XRN1: variants seen among roughly 807,000 people sequenced by gnomAD.
The protein encoded by XRN1 is 5'-3' exoribonuclease 1.
Under a neutral mutation model 222.3 loss-of-function variants are expected in XRN1, and 67 were observed. The observed-to-expected ratio is 0.30, with a 90% CI of 0.25 to 0.37. XRN1 has a LOEUF of 0.37. XRN1 is among the 10% of genes least tolerant of loss of function. XRN1 has a pLI of 1.00. For missense variants in XRN1, 1,707 were observed against 2,000.2 expected (o/e 0.85, Z 2.80); for synonymous variants, 643 against 652.4 (o/e 0.99, Z 0.22).
chr3:142,320,666 T>A (rs1050489621), intron 37 of XRN1, among the ~76,000 whole-genome samples: 1 of 152,172 alleles, frequency 6.6e-6, no homozygotes, highest in Non-Finnish European at 1.5e-5. Context: ...GGGTTTCTTA[T>A]AGGATTTTTA....
chr3:142,425,853 C>A (rs1370492140), intron 3 of XRN1, among the ~76,000 whole-genome samples: 5 of 151,554 alleles, frequency 3.3e-5, no homozygotes. Flanking sequence ...TTTGAGATCT[C>A]TAATGAACCT....
In XRN1 at chr3:142,359,939, A is replaced by C. The variant is rs754317188; in HGVS notation, c.3395-8T>G. 2.5e-6 allele frequency: 4 copies of C among 1,579,034 alleles called. No individual in the cohort carries two copies. The highest frequency in any genetic ancestry group is 3.4e-6 in the Non-Finnish European group (4 of 1,161,996). ...CATCGGCTTCTCTATTAGCTGTTACAATAGGGAGAGAAAAAGAGACACTAA... is the reference window on the plus strand; with the variant it reads ...CATCGGCTTCTCTATTAGCTGTTACCATAGGGAGAGAAAAAGAGACACTAA... On this transcript the variant is annotated splice_region_variant and splice_polypyrimidine_tract_variant and intron_variant, in intron 29 of 40. Coordinates refer to ENST00000392981, the MANE Select transcript of XRN1 (RefSeq NM_001282857.2).
intron 27 of XRN1, among the ~76,000 whole-genome samples, chr3:142,367,295 A>C (rs1025103595): frequency 2.0e-5 from 3 of 152,130 alleles, no homozygotes; most frequent in African/African-American, 7.2e-5. Flanking sequence ...CTCAAAAAAA[A>C]AAAGAAAGAA....
chr3:142,375,778 G>A lies in XRN1; in HGVS notation c.2978+20C>T. On this transcript the variant is annotated intron_variant, in intron 25 of 40. Transcript: ENST00000392981. The stretch of plus-strand genomic sequence containing the variant: ...TCCTAAGATTTTGGAATGACTACTA[G>A]TATCTTATTATGTACTTACCTCTCT... 6.3e-7 allele frequency: 1 copy of A among 1,596,270 alleles called. No individual in the cohort carries two copies. The highest frequency in any genetic ancestry group is 8.5e-7 in the Non-Finnish European group (1 of 1,172,180).
chr3:142,414,475 C>A, intron 13 of XRN1, 184 bp from the exon 14 acceptor site: 1 of 400,958 alleles, frequency 2.5e-6, no homozygotes, highest in Non-Finnish European at 4.2e-6. Flanking sequence ...CATCCGATGG[C>A]AACAAATGTT....
At chr3:142,434,763 A>T (rs1048724491) in intron 1 of XRN1, among the ~76,000 whole-genome samples, 4 of 152,042 alleles carry the variant, frequency 2.6e-5, no homozygotes, top group African/African-American at 9.7e-5. Flanking sequence ...TGTCTCTATA[A>T]AACAAACAAA....
intron 1 of XRN1, among the ~76,000 whole-genome samples, chr3:142,441,278 C>G (rs910472773): frequency 3.9e-5 from 6 of 152,098 alleles, no homozygotes; most frequent in African/African-American, 1.2e-4. Context: ...GGCAAAATAG[C>G]CAGACCATTA....
Position 142,347,339 on chromosome 3 carries a change from C to T in XRN1, c.3772G>A (p.Ala1258Thr). 1.9e-6 allele frequency: 3 copies of T among 1,558,074 alleles called. No individual in the cohort carries two copies. The highest frequency in any genetic ancestry group is 1.4e-5 in the African/African-American group (1 of 72,658). Reference sequence around the variant, plus strand: ...TGGCTTATTTCTTGAGGTAGAACTGCACCCTGAAAATTAAAATTCTTATAA... The same window carrying T: ...TGGCTTATTTCTTGAGGTAGAACTGTACCCTGAAAATTAAAATTCTTATAA... ...YFQPTIQEKGAVLPQEISQVN... is the reference protein window; with the variant it reads ...YFQPTIQEKGTVLPQEISQVN... The change falls in exon 33 of 41, where the codon GCA (alanine) becomes ACA (threonine). Residue 1258 changes from alanine (A) to threonine (T), a missense_variant. This residue lies in a region of XRN1 where 1,234 missense variants were observed against 1,518.2 expected (regional missense o/e 0.81). Transcript: ENST00000392981.
intron 5 of XRN1, among the ~76,000 whole-genome samples, chr3:142,424,771 T>G (rs1177745642): frequency 6.6e-6 from 1 of 152,084 alleles, no homozygotes; most frequent in African/African-American, 2.4e-5. Context: ...AAATTTAAAA[T>G]TATTTAAGTT....
chr3:142,420,872 C>A, intron 10 of XRN1, 144 bp downstream of exon 10: 1 of 1,021,548 alleles, frequency 9.8e-7, no homozygotes, highest in Non-Finnish European at 1.4e-6. Context: ...AAAAAGAAAC[C>A]AAATCAATTT....
chr3:142,380,700 C>G (rs2067276749), intron 22 of XRN1, among the ~76,000 whole-genome samples: 1 of 151,896 alleles, frequency 6.6e-6, no homozygotes. Flanking sequence ...GTCATCTAGG[C>G]TGGAGTGTAG....
intron 20 of XRN1, among the ~76,000 whole-genome samples, chr3:142,394,198 C>T (rs1275337569): frequency 6.6e-6 from 1 of 152,150 alleles, no homozygotes; most frequent in Non-Finnish European, 1.5e-5. Flanking sequence ...TTTCACCATC[C>T]ACCACTTCAG....
intron 39 of XRN1, among the ~76,000 whole-genome samples, chr3:142,316,715 C>T (rs1379849789): frequency 6.6e-6 from 1 of 152,068 alleles, no homozygotes; most frequent in Non-Finnish European, 1.5e-5. Context: ...ATTTTGGTTT[C>T]CTAATTTTCT....
rs1331856352 is a variant in XRN1, at chr3:142,307,180, T to A, written c.*4331A>T. 1 of 151,894 alleles carries A rather than the reference T, an allele frequency of 6.6e-6. No individual in the cohort carries two copies. The highest frequency in any genetic ancestry group is 1.5e-5 in the Non-Finnish European group (1 of 67,976). The allele number at this position is 151,894 out of a possible 1,614,324, so 9.4% of individuals were successfully genotyped here. On this transcript the variant is annotated 3_prime_UTR_variant, in exon 41 of 41. Coordinates refer to ENST00000392981, the MANE Select transcript of XRN1 (RefSeq NM_001282857.2). ...CCATCCCCCACCAAACCCTTAACTG[T>A]AAGGGAAAGAAAGGAAGAGAGAACT...
chr3:142,307,231 C>A lies in XRN1; in HGVS notation c.*4280G>T, dbSNP rs1018057354. The A allele has an allele frequency of 6.6e-6, 1 of 152,110 alleles. No homozygotes were observed. Among genetic ancestry groups the A allele is most frequent in the Non-Finnish European group, 1.5e-5 (1 of 68,018 alleles). The allele number at this position is 152,110 out of a possible 1,614,324, so 9.4% of individuals were successfully genotyped here. A position where few individuals can be genotyped will look rare whatever the true frequency, so the allele number is the denominator to read the frequency against. ...TAAAGCTAACTATGGACCAAATTCTCATTCTTTTTAATGAGAAACAGCATG... is the reference window on the plus strand; with the variant it reads ...TAAAGCTAACTATGGACCAAATTCTAATTCTTTTTAATGAGAAACAGCATG... On this transcript the variant is annotated 3_prime_UTR_variant, in exon 41 of 41. Transcript: ENST00000392981.
At chr3:142,432,524 C>A (rs995217019) in intron 2 of XRN1, 137 bp downstream of exon 2, 2 of 800,282 alleles carry the variant, frequency 2.5e-6, no homozygotes, top group Non-Finnish European at 3.8e-6. Context: ...AAATATGACA[C>A]TGAGATATTT....
intron 22 of XRN1, 27 bp downstream of exon 22, chr3:142,383,272 TG>T (rs1432991907): frequency 6.5e-7 from 1 of 1,540,742 alleles, no homozygotes; most frequent in East Asian, 2.3e-5. Context: ...TAGAGAAAAA[TG>T]TATCAGTAAC....
Position 142,403,850 on chromosome 3 carries a change from G to C in XRN1, c.2004+19C>G. 1 of 1,611,942 alleles carries C rather than the reference G, an allele frequency of 6.2e-7. No individual in the cohort carries two copies. Among genetic ancestry groups the C allele is most frequent in the Non-Finnish European group, 8.5e-7 (1 of 1,179,156 alleles). ...ACACTTAATAAAGTGAAAAAATTCT[G>C]AACTAAATAGCCACTGACTTTGTGT... On this transcript the variant is annotated intron_variant, in intron 17 of 40. Transcript: ENST00000392981.
In XRN1 at chr3:142,311,556, T is replaced by G. The variant is rs776401099; in HGVS notation, c.5040A>C (p.Ser1680=). 1 of 1,610,704 alleles carries G rather than the reference T, an allele frequency of 6.2e-7. No homozygotes were observed. The change falls in exon 41 of 41, where the codon TCA becomes TCC. Residue 1680 remains serine, a synonymous_variant. Transcript: ENST00000392981. ...CACCAAAATTAACAGCCAGTTTTCT[T>G]GATTTTCTTCTTGAAGAAGAGATTG... ...STPISSSRRK[S]RKLAVNFGVS... is the part of the protein sequence containing the mutation.
Sources: gnomAD v4.1 joint callset for allele counts (sites outside exome capture counted in the v4.1 genomes callset) on GRCh38, gnomAD v4.1.1 for gene constraint, gnomAD v4.1.1 regional missense constraint, MANE v1.5 for transcripts, NCBI Gene and HGNC (gene_info 2026-07-23, HGNC 2026-07-21) for gene names.